Variants in CISD1 observed in about 807,000 individuals in gnomAD.
CISD1 encodes CDGSH iron-sulfur domain-containing protein 1.
CISD1 carries 8 observed loss-of-function variants against 12.0 expected under a neutral mutation model. The ratio of observed to expected loss-of-function variants is 0.67; its 90% CI spans 0.39 to 1.20. CISD1 has a LOEUF of 1.20. Among genes scored for constraint, CISD1 ranks in the 50% most tolerant of loss-of-function variants. The probability of loss-of-function intolerance (pLI) is 0.01; values close to 1 mark genes in which losing one functional copy is unlikely to be tolerated. For missense variants in CISD1, 107 were observed against 132.7 expected (o/e 0.81, Z 0.95); for synonymous variants, 38 against 42.2 (o/e 0.90, Z 0.39).
intron 2 of CISD1, among the ~76,000 whole-genome samples, 184 bp from the exon 3 acceptor site, chr10:58,287,377 G>T (rs1839440510): frequency 6.6e-6 from 1 of 152,134 alleles, no homozygotes; most frequent in African/African-American, 2.4e-5. Flanking sequence ...TGTGTATTAT[G>T]CACAAGTCAA....
chr10:58,274,816 TA>T (rs796662258), intron 1 of CISD1, among the ~76,000 whole-genome samples: 14 of 147,992 alleles, frequency 9.5e-5, no homozygotes, highest in South Asian at 2.1e-4. Context: ...AGGTAAAGCT[TA>T]AAAAAAAAAG....
At chr10:58,273,495 C>G (rs1369957235) in intron 1 of CISD1, 1 of 151,170 alleles carries the variant, frequency 6.6e-6, no homozygotes, top group Non-Finnish European at 1.5e-5. Context: ...GTAAAAGAAG[C>G]CGAGAGAGAT....
rs202195244 is a variant in CISD1, at chr10:58,276,743, G to A, written c.32-374G>A. 1.6e-4 allele frequency among the ~76,000 whole-genome samples: 23 copies of A among 142,592 alleles called. No homozygotes were observed. In the East Asian group the frequency reaches 3.6e-3, roughly 22 times the overall value. 93.5% of individuals were successfully genotyped at this position (142,592 alleles called of 152,430 possible). ...TTTGTAATCTGAATTTTTATGTTTCGGGGCTTTTTTTTTTTTTAAGCAATA... is the reference window on the plus strand; with the variant it reads ...TTTGTAATCTGAATTTTTATGTTTCAGGGCTTTTTTTTTTTTTAAGCAATA... On this transcript the variant is annotated intron_variant, in intron 1 of 2. Transcript: ENST00000333926.
At chr10:58,285,319 T>C (rs1839416551) in intron 2 of CISD1, among the ~76,000 whole-genome samples, 1 of 152,232 alleles carries the variant, frequency 6.6e-6, no homozygotes, top group African/African-American at 2.4e-5. Flanking sequence ...TTGATTACTT[T>C]AACATTAAGT....
In CISD1 at chr10:58,271,043, A is replaced by ATTTTTTT. The variant is rs775206917; in HGVS notation, c.31+1747_31+1753dup. Among the ~76,000 whole-genome samples the ATTTTTTT allele has an allele frequency of 1.5e-3, 187 of 128,748 alleles. 11 individuals carry two copies. The highest frequency in any genetic ancestry group is 4.6e-3 in the African/African-American group (140 of 30,134). 84.5% of individuals were successfully genotyped at this position (128,748 alleles called of 152,430 possible). ...TGAGACACCACACGTTGCCATGACT[A>ATTTTTTT]TTTTTTTTTTTTTTGAGGCGGAGTC... is the stretch of plus-strand genomic sequence containing the variant. On this transcript the variant is annotated intron_variant, in intron 1 of 2. Coordinates refer to ENST00000333926, the MANE Select transcript of CISD1 (RefSeq NM_018464.5).
intron 1 of CISD1, among the ~76,000 whole-genome samples, chr10:58,272,742 C>A (rs1190884318): frequency 2.0e-5 from 3 of 151,586 alleles, no homozygotes; most frequent in African/African-American, 7.3e-5. Flanking sequence ...CATGGTGAAA[C>A]CCCCGTCTCT....
At chr10:58,279,595 C>G (rs989818427) in intron 2 of CISD1, among the ~76,000 whole-genome samples, 4 of 152,080 alleles carry the variant, frequency 2.6e-5, no homozygotes, top group Non-Finnish European at 1.5e-5. Context: ...GAGCACTATT[C>G]ATTTGGAATT....
At chr10:58,274,058 C>T (rs1444514267) in intron 1 of CISD1, among the ~76,000 whole-genome samples, 1 of 152,032 alleles carries the variant, frequency 6.6e-6, no homozygotes, top group Non-Finnish European at 1.5e-5. Flanking sequence ...TGCTTGAACC[C>T]AGGAGCAGAG....
chr10:58,274,322 C>A (rs945217763), intron 1 of CISD1, among the ~76,000 whole-genome samples: 1 of 151,540 alleles, frequency 6.6e-6, no homozygotes, highest in Admixed American at 6.6e-5. Flanking sequence ...GACCTGTCAT[C>A]ATTTTTGTCT....
At chr10:58,280,933 G>A (rs982465584) in intron 2 of CISD1, among the ~76,000 whole-genome samples, 5 of 152,224 alleles carry the variant, frequency 3.3e-5, no homozygotes, top group African/African-American at 1.2e-4. Context: ...CTATGTCCAT[G>A]TGAGTTAAAG....
At chr10:58,270,041 T>G (rs1165245554) in intron 1 of CISD1, among the ~76,000 whole-genome samples, 1 of 152,244 alleles carries the variant, frequency 6.6e-6, no homozygotes, top group African/African-American at 2.4e-5. Flanking sequence ...TTGGTGATGT[T>G]ATAATTGTTA....
chr10:58,269,445 C>G (rs1839215089), intron 1 of CISD1, 141 bp downstream of exon 1: 6 of 743,476 alleles, frequency 8.1e-6, no homozygotes, highest in South Asian at 3.5e-5. Context: ...GCGCTCGGCC[C>G]GGCTGCGGGC....
At chr10:58,270,464 CTT>C (rs2132275183) in intron 1 of CISD1, among the ~76,000 whole-genome samples, 1 of 152,186 alleles carries the variant, frequency 6.6e-6, no homozygotes, top group African/African-American at 2.4e-5. Context: ...ACTATATTCT[CTT>C]GGGATTAAGA....
chr10:58,277,768 C>A (rs1305761721), intron 2 of CISD1, among the ~76,000 whole-genome samples: 2 of 151,512 alleles, frequency 1.3e-5, no homozygotes, highest in Non-Finnish European at 2.9e-5. Context: ...AGAAGAAAAT[C>A]CCTTTAATTT....
chr10:58,284,106 C>T (rs558519090), intron 2 of CISD1, among the ~76,000 whole-genome samples: 1 of 152,200 alleles, frequency 6.6e-6, no homozygotes, highest in South Asian at 2.1e-4. Flanking sequence ...CAGACACAGT[C>T]GCTTAGGCCT....
chr10:58,277,542 C>T (rs1481868361), intron 2 of CISD1, among the ~76,000 whole-genome samples: 3 of 151,606 alleles, frequency 2.0e-5, no homozygotes, highest in Non-Finnish European at 2.9e-5. Context: ...CCTCAGCCAC[C>T]GAGTAGCTGG....
chr10:58,274,059 AG>A (rs1231057046), intron 1 of CISD1, among the ~76,000 whole-genome samples: 1 of 152,132 alleles, frequency 6.6e-6, no homozygotes, highest in Non-Finnish European at 1.5e-5. Flanking sequence ...GCTTGAACCC[AG>A]GAGCAGAGGT....
At chr10:58,274,948 GTAT>G (rs1839296099) in intron 1 of CISD1, among the ~76,000 whole-genome samples, 1 of 152,128 alleles carries the variant, frequency 6.6e-6, no homozygotes, top group African/African-American at 2.4e-5. Context: ...AATTCCTATA[GTAT>G]TCTCTTTTTA....
chr10:58,271,774 G>A (rs1015501166), intron 1 of CISD1, among the ~76,000 whole-genome samples: 19 of 152,020 alleles, frequency 1.2e-4, no homozygotes, highest in African/African-American at 4.6e-4. Flanking sequence ...AAAATTTAAC[G>A]GGAATCAGGC....
Sources: allele counts gnomAD v4.1 joint callset (sites outside exome capture counted in the v4.1 genomes callset), GRCh38; gene constraint gnomAD v4.1.1; transcripts MANE v1.5; gene names NCBI Gene and HGNC (gene_info 2026-07-23, HGNC 2026-07-21).